Variants in SUMF1 observed in about 807,000 individuals in gnomAD.
SUMF1 encodes the protein sulfatase modifying factor 1, also known as formylglycine-generating enzyme.
Under a neutral mutation model 47.6 loss-of-function variants are expected in SUMF1, and 48 were observed. The observed-to-expected ratio is 1.01, with a 90% CI of 0.80 to 1.28. The LOEUF is 1.28. Ranked by LOEUF, SUMF1 falls within the 50% of genes most tolerant of loss-of-function variation. The pLI, the probability that SUMF1 is intolerant of heterozygous loss-of-function variation, is 0.00. For synonymous variants in SUMF1, 230 were observed against 192.1 expected (o/e 1.20, Z -1.63); for missense variants, 571 against 485.4 (o/e 1.18, Z -1.66).
At chr3:4,160,019 A>G (rs984859839) in intron 8 of SUMF1, among the ~76,000 whole-genome samples, 8 of 152,126 alleles carry the variant, frequency 5.3e-5, no homozygotes, top group African/African-American at 1.7e-4. Context: ...TTTGATTATT[A>G]AATGCCTTGG....
At chr3:4,442,420 T>TC (rs1702631020) in intron 3 of SUMF1, among the ~76,000 whole-genome samples, 1 of 23,856 alleles carries the variant, frequency 4.2e-5, no homozygotes, top group Admixed American at 1.0e-3. Context: ...CACGCCCGGC[T>TC]AATTTTTTTT....
intron 8 of SUMF1, among the ~76,000 whole-genome samples, chr3:4,202,319 T>C (rs148193159): frequency 6.6e-6 from 1 of 152,190 alleles, no homozygotes; most frequent in African/African-American, 2.4e-5. Context: ...TTTTTCTGCA[T>C]ATGCATATCC....
At chr3:4,378,930 G>A (rs1416170817) in intron 7 of SUMF1, among the ~76,000 whole-genome samples, 1 of 152,194 alleles carries the variant, frequency 6.6e-6, no homozygotes, top group Non-Finnish European at 1.5e-5. Context: ...CAAAATAGTT[G>A]CCTTTCATCA....
At chr3:4,324,379 T>A (rs555843394) in intron 8 of SUMF1, among the ~76,000 whole-genome samples, 1 of 152,188 alleles carries the variant, frequency 6.6e-6, no homozygotes, top group African/African-American at 2.4e-5. Flanking sequence ...TTTGCCAAGG[T>A]TGAGGATGTG....
chr3:4,275,031 G>A (rs1697383857), intron 8 of SUMF1, among the ~76,000 whole-genome samples: 1 of 152,100 alleles, frequency 6.6e-6, no homozygotes, highest in Non-Finnish European at 1.5e-5. Flanking sequence ...AGTGTTCTGT[G>A]ATGCATCTCC....
At chr3:4,164,509 C>T (rs1023611267) in intron 8 of SUMF1, among the ~76,000 whole-genome samples, 1 of 152,132 alleles carries the variant, frequency 6.6e-6, no homozygotes, top group Non-Finnish European at 1.5e-5. Flanking sequence ...GGCGAGGGGG[C>T]AGCTTGTTTC....
At chr3:4,304,165 T>A (rs13083823) in intron 8 of SUMF1, 51,479 of 161,984 alleles carry the variant, frequency 0.32, 9,718 homozygotes, top group Non-Finnish European at 0.42. Flanking sequence ...TTTTTGAGAC[T>A]GAGTCTCGCT....
At position 4,313,382 on chromosome 3, in the gene SUMF1, A is replaced by T. The variant is rs913065211; in HGVS notation, c.1014+62948T>A. On this transcript the variant is annotated intron_variant and NMD_transcript_variant, in intron 8 of 12. Coordinates refer to the SUMF1 transcript ENST00000448413. ...ATGGAAACATTTGTTGACCCTACTT[A>T]TATAGGAAATATTGGAAGATTCCTT... is the stretch of plus-strand genomic sequence containing the variant. 6 of 1,613,782 alleles carry T rather than the reference A, an allele frequency of 3.7e-6. No individual in the cohort carries two copies. In the African/African-American group the frequency reaches 8.0e-5, roughly 22 times the overall value.
At chr3:4,362,486 A>G (rs1352501899) in intron 8 of SUMF1, among the ~76,000 whole-genome samples, 3 of 152,238 alleles carry the variant, frequency 2.0e-5, no homozygotes, top group Non-Finnish European at 4.4e-5. Flanking sequence ...GATGTTCAGC[A>G]TTAGATATAA....
chr3:4,222,653 C>T (rs978703010), intron 8 of SUMF1, among the ~76,000 whole-genome samples: 3 of 152,142 alleles, frequency 2.0e-5, no homozygotes, highest in Admixed American at 6.6e-5. Flanking sequence ...GTTAGAAGCT[C>T]ATTTCTAAAC....
At chr3:4,353,413 C>G (rs1008594783) in intron 8 of SUMF1, among the ~76,000 whole-genome samples, 1 of 152,126 alleles carries the variant, frequency 6.6e-6, no homozygotes, top group Non-Finnish European at 1.5e-5. Flanking sequence ...CCACCACGCC[C>G]GGCTAATTTT....
intron 8 of SUMF1, among the ~76,000 whole-genome samples, chr3:4,265,051 C>T (rs898583893): frequency 3.4e-5 from 5 of 148,342 alleles, no homozygotes; most frequent in African/African-American, 5.0e-5. Context: ...ACAGGAGAAT[C>T]GCTTGAACCC....
intron 8 of SUMF1, among the ~76,000 whole-genome samples, chr3:4,140,378 T>C (rs923713295): frequency 6.6e-6 from 1 of 152,100 alleles, no homozygotes; most frequent in African/African-American, 2.4e-5. Context: ...TTAAAAGGAT[T>C]CAGGAAACTG....
chr3:4,222,415 T>TA (rs1268736697), intron 8 of SUMF1, among the ~76,000 whole-genome samples: 1 of 151,904 alleles, frequency 6.6e-6, no homozygotes, highest in African/African-American at 2.4e-5. Context: ...GTGAGGGAGG[T>TA]ACCAGATGTT....
chr3:4,443,033 T>C (rs1575228806), intron 3 of SUMF1, among the ~76,000 whole-genome samples: 1 of 151,358 alleles, frequency 6.6e-6, no homozygotes. Context: ...CCTAGCACTT[T>C]GGGAGGCCAA....
intron 8 of SUMF1, among the ~76,000 whole-genome samples, chr3:4,306,640 G>A (rs920328959): frequency 2.0e-5 from 3 of 152,160 alleles, no homozygotes; most frequent in Non-Finnish European, 4.4e-5. Flanking sequence ...TAAGTGACAA[G>A]CCTAAAAGTG....
intron 8 of SUMF1, among the ~76,000 whole-genome samples, chr3:4,253,086 C>A (rs945687959): frequency 6.6e-6 from 1 of 152,098 alleles, no homozygotes; most frequent in Non-Finnish European, 1.5e-5. Flanking sequence ...ATATGTACAA[C>A]ATGTAGTGTA....
intron 8 of SUMF1, among the ~76,000 whole-genome samples, chr3:4,257,684 GC>G (rs1423140380): frequency 6.7e-6 from 1 of 150,154 alleles, no homozygotes; most frequent in Non-Finnish European, 1.5e-5. Context: ...TGGCCATACT[GC>G]CCAAGGTAAT....
chr3:4,151,076 T>C (rs1403272252), intron 8 of SUMF1, among the ~76,000 whole-genome samples: 8 of 151,308 alleles, frequency 5.3e-5, no homozygotes, highest in Non-Finnish European at 1.5e-5. Context: ...GGGCCTCATC[T>C]TTTAGAATCG....
Sources: allele counts gnomAD v4.1 joint callset (sites outside exome capture counted in the v4.1 genomes callset), GRCh38; gene constraint gnomAD v4.1.1; transcripts MANE v1.5; gene names NCBI Gene and HGNC (gene_info 2026-07-23, HGNC 2026-07-21).